The following MTOR variants were observed in gnomAD, a reference collection of about 807,000 sequenced individuals.
The protein encoded by MTOR is mechanistic target of rapamycin kinase.
Under a neutral mutation model 319.8 loss-of-function variants are expected in MTOR, and 70 were observed. That is an observed-to-expected ratio of 0.22 (90% confidence interval 0.18 to 0.27). The LOEUF is 0.27. Among genes scored for constraint, MTOR ranks in the 10% least tolerant of loss-of-function variants. The pLI is 1.00. For synonymous variants in MTOR, 1,183 were observed against 1,211.4 expected (o/e 0.98, Z 0.49); for missense variants, 1,890 against 3,274.4 (o/e 0.58, Z 10.32).
At chr1:11,241,724 TC>T in intron 9 of MTOR, 43 bp from the exon 10 acceptor site, 1 of 1,582,098 alleles carries the variant, frequency 6.3e-7, no homozygotes, top group Non-Finnish European at 8.6e-7. Context: ...ATAATGACAT[TC>T]TTTAATGTCC....
Position 11,128,645 on chromosome 1 carries a change from G to T in MTOR, c.5812-93C>A. On this transcript the variant is annotated intron_variant, in intron 41 of 57. Coordinates refer to ENST00000361445, the MANE Select transcript of MTOR (RefSeq NM_004958.4). This position sits in a 1 kb window ranked among gnomAD's most constrained non-coding sequence, Gnocchi z 5.3. ...AGATCAATTCTTTTAACTTGTTTCGGTTGATGCTCTGAAATGGTTCATTCC... is the reference window on the plus strand; with the variant it reads ...AGATCAATTCTTTTAACTTGTTTCGTTTGATGCTCTGAAATGGTTCATTCC... The T allele has an allele frequency of 7.6e-7, 1 of 1,310,230 alleles. No individual in the cohort carries two copies. The highest frequency in any genetic ancestry group is 1.1e-6 in the Non-Finnish European group (1 of 917,592). 81.2% of individuals were successfully genotyped at this position (1,310,230 alleles called of 1,614,324 possible).
chr1:11,115,566 G>C lies in MTOR; in HGVS notation c.7017-98C>G. The C allele has an allele frequency of 1.7e-6, 2 of 1,173,418 alleles. No individual in the cohort carries two copies. Among genetic ancestry groups the C allele is most frequent in the Non-Finnish European group, 2.5e-6 (2 of 787,984 alleles). 72.7% of individuals were successfully genotyped at this position (1,173,418 alleles called of 1,614,324 possible). A position where few individuals can be genotyped will look rare whatever the true frequency, so the allele number is the denominator to read the frequency against. On this transcript the variant is annotated intron_variant, in intron 50 of 57. Transcript: ENST00000361445. The surrounding 1 kb of genome is among the most constrained non-coding windows in gnomAD (Gnocchi z 4.5). ...TACTGTAAGCTAGGAGTTGGCAAACGATAGCCCTCAGCCAATCCAGCCCCT... is the reference window on the plus strand; with the variant it reads ...TACTGTAAGCTAGGAGTTGGCAAACCATAGCCCTCAGCCAATCCAGCCCCT...
intron 14 of MTOR, 88 bp from the exon 15 acceptor site, chr1:11,233,575 C>G (rs1391018233): frequency 8.3e-6 from 8 of 964,648 alleles, no homozygotes; most frequent in Non-Finnish European, 1.3e-5. Context: ...CCCAAGAGAC[C>G]ATCTCAGTCA....
In MTOR at chr1:11,202,539, C is replaced by A. The variant is rs1344156252; in HGVS notation, c.3944+2022G>T. On this transcript the variant is annotated intron_variant, in intron 26 of 57. Transcript: ENST00000361445. ...CACTATTATTCAGGTGATGGTTCTA[C>A]GAAAAGCCCAGACTTCACCACTATG... 3.3e-5 allele frequency among the ~76,000 whole-genome samples: 5 copies of A among 151,168 alleles called. No homozygotes were observed. The South Asian group carries it at 8.3e-4, about 25-fold the overall frequency.
At chr1:11,202,312 T>C (rs1035665653) in intron 26 of MTOR, among the ~76,000 whole-genome samples, 5 of 149,786 alleles carry the variant, frequency 3.3e-5, no homozygotes, top group East Asian at 4.0e-4. Context: ...TCCCAGCTCA[T>C]TGGGAGGCTG....
Position 11,212,468 on chromosome 1 carries a change from C to T in MTOR, c.3405G>A (p.Ala1135=), listed in dbSNP as rs750981339. The T allele has an allele frequency of 8.7e-6, 14 of 1,612,986 alleles. No homozygotes were observed. The highest frequency in any genetic ancestry group is 5.3e-5 in the African/African-American group (4 of 74,852). Residue 1135 remains alanine, a synonymous_variant, in exon 23 of 58, where the codon GCG becomes GCA. Coordinates refer to ENST00000361445, the MANE Select transcript of MTOR (RefSeq NM_004958.4). The surrounding 1 kb of genome is among the most constrained non-coding windows in gnomAD (Gnocchi z 4.1). The stretch of plus-strand genomic sequence containing the variant: ...CCGTCAGGCGGTCCACAGTCTCTAG[C>T]GCTGCCCTACAACAATCACTAACAT... ...PEAPLPSRKA[A]LETVDRLTES...
intron 57 of MTOR, 120 bp downstream of exon 57, chr1:11,108,061 G>A: frequency 5.8e-6 from 4 of 689,848 alleles, no homozygotes; most frequent in Admixed American, 2.7e-5. Flanking sequence ...AAAGAGATCT[G>A]AGCTCTAACT....
chr1:11,244,957 A>G (rs1213297356), intron 8 of MTOR, among the ~76,000 whole-genome samples: 1 of 152,200 alleles, frequency 6.6e-6, no homozygotes, highest in Non-Finnish European at 1.5e-5. Flanking sequence ...AATTCTCCTA[A>G]GACGCATTTC....
At chr1:11,138,091 T>G (rs973240458) in intron 36 of MTOR, among the ~76,000 whole-genome samples, 1 of 152,204 alleles carries the variant, frequency 6.6e-6, no homozygotes, top group Non-Finnish European at 1.5e-5. Context: ...TGGGGTCTTA[T>G]GTTGAAAGAA....
At chr1:11,150,084 C>T in intron 31 of MTOR, 42 bp downstream of exon 31, 2 of 1,574,386 alleles carry the variant, frequency 1.3e-6, no homozygotes, top group Non-Finnish European at 8.7e-7. Flanking sequence ...CCTAGCCTCA[C>T]TCACCCCATC....
chr1:11,234,363 C>T (rs1245636372), intron 13 of MTOR, 98 bp from the exon 14 acceptor site: 11 of 1,396,634 alleles, frequency 7.9e-6, no homozygotes, highest in South Asian at 1.4e-5. Flanking sequence ...GGGGGAAAAA[C>T]CCAGACCTCC....
intron 4 of MTOR, 58 bp downstream of exon 4, chr1:11,256,875 C>G: frequency 6.6e-7 from 1 of 1,514,068 alleles, no homozygotes; most frequent in Non-Finnish European, 9.1e-7. Context: ...AGCAAAAGAC[C>G]CCCCCATGAC....
intron 49 of MTOR, among the ~76,000 whole-genome samples, chr1:11,120,067 A>T (rs939949661): frequency 7.4e-5 from 11 of 148,472 alleles, no homozygotes; most frequent in African/African-American, 2.7e-4. Flanking sequence ...AAAAAAAAAA[A>T]TTTATATATA....
chr1:11,183,572 C>T lies in MTOR; in HGVS notation c.4253+15686G>A, dbSNP rs2100675678. On this transcript the variant is annotated intron_variant, in intron 28 of 57. Transcript: ENST00000361445. ...TTGCCTTTCATTCTCTTCATTGTGT[C>T]TTCCAATGAACAGAATGACTACTTT... Among the ~76,000 whole-genome samples, 2 of 152,300 alleles carry T rather than the reference C, an allele frequency of 1.3e-5. 1 individual carries two copies. Among genetic ancestry groups the T allele is most frequent in the Middle Eastern group, 6.8e-3 (2 of 294 alleles).
At chr1:11,250,047 G>C (rs1256360039) in intron 6 of MTOR, among the ~76,000 whole-genome samples, 14 of 143,570 alleles carry the variant, frequency 9.8e-5, no homozygotes, top group South Asian at 2.3e-4. Flanking sequence ...CGGGCGGGGG[G>C]CTGACCCCCA....
intron 19 of MTOR, among the ~76,000 whole-genome samples, chr1:11,225,201 A>G (rs1307467697): frequency 6.6e-6 from 1 of 152,158 alleles, no homozygotes; most frequent in Non-Finnish European, 1.5e-5. Context: ...TGACTTGTAA[A>G]TAAATAAATA....
intron 35 of MTOR, 22 bp from the exon 36 acceptor site, chr1:11,139,457 G>T: frequency 6.2e-7 from 1 of 1,614,062 alleles, no homozygotes; most frequent in South Asian, 1.1e-5. Context: ...GAGAAACTGG[G>T]TTATAGACAG....
At chr1:11,197,280 T>A (rs1645818931) in intron 28 of MTOR, among the ~76,000 whole-genome samples, 1 of 152,210 alleles carries the variant, frequency 6.6e-6, no homozygotes, top group African/African-American at 2.4e-5. Flanking sequence ...GGGGTAGTGC[T>A]ATGAGCAACT....
chr1:11,140,734 T>C (rs1023684126), intron 34 of MTOR, among the ~76,000 whole-genome samples: 31 of 152,220 alleles, frequency 2.0e-4, no homozygotes, highest in African/African-American at 6.8e-4. Flanking sequence ...AATTAAATGA[T>C]TGATTTCAAT....
Sources: gnomAD v4.1 joint callset for allele counts (sites outside exome capture counted in the v4.1 genomes callset) on GRCh38, gnomAD v4.1.1 for gene constraint, Gnocchi (gnomAD v3.1) non-coding constraint, MANE v1.5 for transcripts, NCBI Gene and HGNC (gene_info 2026-07-23, HGNC 2026-07-21) for gene names.